Variants in UNC5B observed in about 807,000 individuals in gnomAD.
UNC5B encodes netrin receptor UNC5B.
A neutral mutation model predicts 103.7 loss-of-function variants in UNC5B; 56 were observed. That is an observed-to-expected ratio of 0.54 (90% CI 0.44 to 0.67). The LOEUF (loss-of-function observed/expected upper bound fraction) is 0.67, where lower values mean the gene tolerates loss of function less well. UNC5B is among the 30% of genes least tolerant of loss of function. The pLI, the probability that UNC5B is intolerant of heterozygous loss-of-function variation, is 0.00. For missense variants in UNC5B, 1,194 were observed against 1,284.5 expected, an observed-to-expected ratio of 0.93 and a Z score of 1.08; for synonymous variants, 577 against 542.0, an observed-to-expected ratio of 1.06 and a Z score of -0.90.
chr10:71,293,776 T>C lies in UNC5B; in HGVS notation c.2018T>C (p.Leu673Pro). The change falls in exon 13 of 17, where the codon CTG becomes CCG. Residue 673 changes from leucine (L) to proline (P), a missense_variant. Transcript: ENST00000335350. The stretch of plus-strand genomic sequence containing the variant: ...CTGGAGCCCAGGGCCTGTCACATCC[T>C]GCTGGACCAGCTGGGCACCTACGTG... ...CQLEPRACHI[L>P]LDQLGTYVFT... 2 of 1,601,984 alleles carry C rather than the reference T, an allele frequency of 1.2e-6. No homozygotes were observed. The highest frequency in any genetic ancestry group is 1.7e-6 in the Non-Finnish European group (2 of 1,174,544).
At chr10:71,262,181 C>T (rs1844428789) in intron 1 of UNC5B, among the ~76,000 whole-genome samples, 1 of 152,104 alleles carries the variant, frequency 6.6e-6, no homozygotes, top group Non-Finnish European at 1.5e-5. Flanking sequence ...TGGCTGCAGA[C>T]TTTGTAATTT....
chr10:71,216,537 C>G (rs1416202827), intron 1 of UNC5B, among the ~76,000 whole-genome samples: 5 of 152,218 alleles, frequency 3.3e-5, no homozygotes, highest in Non-Finnish European at 5.9e-5. Context: ...GCCAAGCTCC[C>G]TTGGGCTGCA....
At chr10:71,233,313 G>A (rs1843717805) in intron 1 of UNC5B, among the ~76,000 whole-genome samples, 1 of 152,124 alleles carries the variant, frequency 6.6e-6, no homozygotes, top group African/African-American at 2.4e-5. Flanking sequence ...GTCCTGAGGT[G>A]GCCCCATCAC....
At chr10:71,251,728 T>A (rs567612097) in intron 1 of UNC5B, among the ~76,000 whole-genome samples, 1 of 152,190 alleles carries the variant, frequency 6.6e-6, no homozygotes, top group Non-Finnish European at 1.5e-5. Context: ...CCTTGCCACA[T>A]AGGGGAATGA....
At chr10:71,251,285 A>G (rs1844166281) in intron 1 of UNC5B, among the ~76,000 whole-genome samples, 1 of 152,196 alleles carries the variant, frequency 6.6e-6, no homozygotes, top group Non-Finnish European at 1.5e-5. Flanking sequence ...AGACAAACTG[A>G]TGATGTGTCT....
intron 1 of UNC5B, among the ~76,000 whole-genome samples, chr10:71,251,662 G>A (rs942501073): frequency 3.9e-5 from 6 of 152,188 alleles, no homozygotes; most frequent in Non-Finnish European, 2.9e-5. Context: ...AAGTTGCAGA[G>A]TATACATGGT....
In UNC5B at chr10:71,299,381, C is replaced by T; in HGVS notation, c.*104C>T. On this transcript the variant is annotated 3_prime_UTR_variant, in exon 17 of 17. Coordinates refer to ENST00000335350, the MANE Select transcript of UNC5B (RefSeq NM_170744.5). The stretch of plus-strand genomic sequence containing the variant: ...GTTTGGCCTCTGCTTCCTCCCAGTT[C>T]ACAGCCAGAGTTGCCTCTCCTCCTC... The T allele has an allele frequency of 6.8e-7, 1 of 1,464,220 alleles. No homozygotes were observed. The highest frequency in any genetic ancestry group is 9.3e-7 in the Non-Finnish European group (1 of 1,080,102). 90.7% of individuals were successfully genotyped at this position (1,464,220 alleles called of 1,614,324 possible).
chr10:71,289,094 G>T, intron 8 of UNC5B, 104 bp downstream of exon 8: 1 of 1,494,184 alleles, frequency 6.7e-7, no homozygotes, highest in Non-Finnish European at 9.2e-7. Context: ...AGCTGAAGGT[G>T]CCTACCCACC....
intron 13 of UNC5B, among the ~76,000 whole-genome samples, 181 bp from the exon 14 acceptor site, chr10:71,295,630 A>G (rs1845387182): frequency 6.6e-6 from 1 of 151,954 alleles, no homozygotes; most frequent in Non-Finnish European, 1.5e-5. Context: ...CATCTTTCCC[A>G]CTGTCTGTCT....
At chr10:71,262,250 A>G (rs1844430266) in intron 1 of UNC5B, among the ~76,000 whole-genome samples, 1 of 151,292 alleles carries the variant, frequency 6.6e-6, no homozygotes, top group Non-Finnish European at 1.5e-5. Context: ...GGCACCCGAC[A>G]CCCCCTCATT....
chr10:71,280,838 C>G (rs1345921471), intron 2 of UNC5B, among the ~76,000 whole-genome samples: 1 of 151,632 alleles, frequency 6.6e-6, no homozygotes, highest in Non-Finnish European at 1.5e-5. Context: ...TTAAGACAGG[C>G]AGATGGGACC....
intron 5 of UNC5B, 50 bp downstream of exon 5, chr10:71,286,919 A>G (rs755519151): frequency 2.5e-6 from 4 of 1,595,376 alleles, no homozygotes; most frequent in Non-Finnish European, 3.4e-6. Context: ...GGGAGGGAGG[A>G]GAGAGCCTGG....
intron 1 of UNC5B, among the ~76,000 whole-genome samples, chr10:71,235,988 A>G (rs929053667): frequency 1.3e-5 from 2 of 152,242 alleles, no homozygotes; most frequent in African/African-American, 4.8e-5. Context: ...ACACTCTGCC[A>G]CTAATACGCT....
chr10:71,228,733 C>G (rs978379395), intron 1 of UNC5B, among the ~76,000 whole-genome samples: 1 of 152,226 alleles, frequency 6.6e-6, no homozygotes, highest in Non-Finnish European at 1.5e-5. Flanking sequence ...GGCTTGAGCA[C>G]CCGAGGGGCA....
intron 1 of UNC5B, among the ~76,000 whole-genome samples, chr10:71,267,239 G>A (rs756214462): frequency 6.6e-6 from 1 of 152,182 alleles, no homozygotes; most frequent in Non-Finnish European, 1.5e-5. Flanking sequence ...GAAAATTGAG[G>A]CCCAGAGGGA....
At chr10:71,272,122 T>C (rs1490107329) in intron 1 of UNC5B, among the ~76,000 whole-genome samples, 1 of 152,034 alleles carries the variant, frequency 6.6e-6, no homozygotes, top group Admixed American at 6.5e-5. Flanking sequence ...CTCTCCCCAC[T>C]CCCCACTGAG....
rs528972001 is a variant in UNC5B, at chr10:71,256,404, G to A, written c.80-23417G>A. On this transcript the variant is annotated intron_variant, in intron 1 of 16. Coordinates refer to ENST00000335350, the MANE Select transcript of UNC5B (RefSeq NM_170744.5). ...GGCTGCCGCGTCTCCCCAGTGCCCT[G>A]CCTGGGCCCAGTGTACTTATGGACT... 7.2e-5 allele frequency among the ~76,000 whole-genome samples: 11 copies of A among 152,348 alleles called. No individual in the cohort carries two copies. The South Asian group carries it at 2.3e-3, about 32-fold the overall frequency.
intron 6 of UNC5B, among the ~76,000 whole-genome samples, chr10:71,288,123 A>T (rs1845141177): frequency 6.6e-6 from 1 of 152,120 alleles, no homozygotes; most frequent in Non-Finnish European, 1.5e-5. Context: ...GACTGTTAAG[A>T]CACACCGTGG....
chr10:71,215,707 T>C (rs1843314796), intron 1 of UNC5B, among the ~76,000 whole-genome samples: 1 of 152,186 alleles, frequency 6.6e-6, no homozygotes. Flanking sequence ...AGCCTTTCCA[T>C]GGCCTCTGGC....
Sources: gnomAD v4.1 joint callset for allele counts (sites outside exome capture counted in the v4.1 genomes callset) on GRCh38, gnomAD v4.1.1 for gene constraint, MANE v1.5 for transcripts, NCBI Gene and HGNC (gene_info 2026-07-23, HGNC 2026-07-21) for gene names.